SNX14: variants seen among roughly 807,000 people sequenced by gnomAD.
The protein encoded by SNX14 is sorting nexin-14.
In SNX14, 93 loss-of-function variants were observed where a neutral mutation model predicts 133.8. That is an observed-to-expected ratio of 0.70 (90% confidence interval 0.59 to 0.83). The LOEUF is 0.83. SNX14 is among the 40% of genes least tolerant of loss of function. The pLI is 0.00. For missense variants in SNX14, 945 were observed against 1,094.9 expected (o/e 0.86, Z 1.93); for synonymous variants, 368 against 365.6 (o/e 1.01, Z -0.07).
At chr6:85,576,345 A>C (rs75147817) in intron 1 of SNX14, among the ~76,000 whole-genome samples, 1 of 152,158 alleles carries the variant, frequency 6.6e-6, no homozygotes. Flanking sequence ...CTAAGATTCT[A>C]TCTCCCTCAC....
rs145183684 is a variant in SNX14, at chr6:85,588,575, C to CTAAATAAATAAATAAATAAATAAA, written c.140+4980_140+5003dup. Among the ~76,000 whole-genome samples, 567 of 149,046 alleles carry CTAAATAAATAAATAAATAAATAAA rather than the reference C, an allele frequency of 3.8e-3. 5 individuals are homozygous for CTAAATAAATAAATAAATAAATAAA. Among genetic ancestry groups the CTAAATAAATAAATAAATAAATAAA allele is most frequent in the South Asian group, 0.02 (91 of 4,658 alleles). ...CTGAGCAAAGAGCGAGACTCCGTCT[C>CTAAATAAATAAATAAATAAATAAA]TAAATAAATAAATAAATAAATAAAT... is the stretch of plus-strand genomic sequence containing the variant. On this transcript the variant is annotated intron_variant, in intron 1 of 28. Coordinates refer to ENST00000314673, the MANE Select transcript of SNX14 (RefSeq NM_153816.6).
chr6:85,570,547 T>A (rs557464930), intron 4 of SNX14, among the ~76,000 whole-genome samples: 23 of 152,268 alleles, frequency 1.5e-4, no homozygotes, highest in African/African-American at 4.3e-4. Flanking sequence ...TTTCAACATG[T>A]AATCAATATA....
chr6:85,510,666 T>C (rs1169366287), intron 26 of SNX14, among the ~76,000 whole-genome samples: 2 of 152,320 alleles, frequency 1.3e-5, no homozygotes, highest in East Asian at 3.9e-4. Context: ...ATGCCTTTGG[T>C]GTTGCAACTA....
intron 1 of SNX14, chr6:85,588,758 G>A (rs778717134): frequency 5.2e-6 from 2 of 384,340 alleles, no homozygotes; most frequent in African/African-American, 2.1e-5. Flanking sequence ...TAGTTGGTTA[G>A]TACTTATTTT....
intron 20 of SNX14, among the ~76,000 whole-genome samples, chr6:85,527,648 G>C (rs1171623605): frequency 1.3e-5 from 2 of 152,030 alleles, no homozygotes; most frequent in Non-Finnish European, 2.9e-5. Flanking sequence ...TATTAGTCTT[G>C]GAGAGCCTGA....
At chr6:85,520,834 T>C (rs1262920352) in intron 21 of SNX14, among the ~76,000 whole-genome samples, 1 of 152,222 alleles carries the variant, frequency 6.6e-6, no homozygotes, top group African/African-American at 2.4e-5. Context: ...TATTCAACGT[T>C]ATGACTTTAC....
chr6:85,573,005 T>C (rs1796183042), intron 2 of SNX14, among the ~76,000 whole-genome samples: 1 of 152,136 alleles, frequency 6.6e-6, no homozygotes, highest in Non-Finnish European at 1.5e-5. Flanking sequence ...AAAGGCATAA[T>C]AAGAAAAAAC....
intron 5 of SNX14, among the ~76,000 whole-genome samples, chr6:85,567,180 T>G (rs1794152939): frequency 6.6e-6 from 1 of 152,168 alleles, no homozygotes; most frequent in Non-Finnish European, 1.5e-5. Flanking sequence ...ACAGCCTAAG[T>G]TTTCTTCCTC....
rs138727395 is a variant in SNX14 at position 85,553,830 on chromosome 6, T to C, written c.635-3951A>G. On this transcript the variant is annotated intron_variant, in intron 7 of 28. Transcript: ENST00000314673. The stretch of plus-strand genomic sequence containing the variant: ...TGTATCAGTAAACAGTTATTAACAC[T>C]GAAAAGTCATAATGTAATATAGAAA... Among the ~76,000 whole-genome samples the C allele has an allele frequency of 1.2e-3, 180 of 151,134 alleles. 1 individual carries two copies. The highest frequency in any genetic ancestry group is 4.3e-3 in the African/African-American group (176 of 41,250).
At chr6:85,552,063 G>T in intron 7 of SNX14, among the ~76,000 whole-genome samples, 1 of 135,786 alleles carries the variant, frequency 7.4e-6, no homozygotes, top group African/African-American at 2.8e-5. Flanking sequence ...TTGAGACGGA[G>T]TCTCGCTCTG....
chr6:85,524,584 C>T (rs969721514), intron 21 of SNX14, among the ~76,000 whole-genome samples: 16 of 152,164 alleles, frequency 1.1e-4, no homozygotes, highest in Admixed American at 6.5e-4. Flanking sequence ...GAGCTCAAGA[C>T]CAGCCTGGCC....
At chr6:85,519,219 C>T (rs933629492) in intron 21 of SNX14, among the ~76,000 whole-genome samples, 7 of 152,186 alleles carry the variant, frequency 4.6e-5, no homozygotes, top group African/African-American at 1.2e-4. Flanking sequence ...AATATTTTGA[C>T]TCAAATAAAT....
intron 26 of SNX14, among the ~76,000 whole-genome samples, chr6:85,511,402 A>G (rs138151192): frequency 6.6e-6 from 1 of 152,214 alleles, no homozygotes; most frequent in East Asian, 1.9e-4. Context: ...TATGCTCTTT[A>G]TTTCCTTTTC....
At chr6:85,530,399 C>T (rs1305096892) in intron 18 of SNX14, 124 bp from the exon 19 acceptor site, 1 of 531,900 alleles carries the variant, frequency 1.9e-6, no homozygotes, top group Non-Finnish European at 3.1e-6. Context: ...AATCCCAGCA[C>T]TTTGGGAGGC....
In SNX14 at chr6:85,543,195, C is replaced by A; in HGVS notation, c.1376G>T (p.Cys459Phe). ...LLENVFTPMF[C>F]HSDEYFRQLL... is the part of the protein sequence containing the mutation. ...ATTTTGACTTACCTCATCACTATGG[C>A]AGAACATAGGAGTAAATACATTCTC... is the stretch of plus-strand genomic sequence containing the variant. Residue 459 changes from cysteine (C) to phenylalanine (F), a missense_variant, in exon 14 of 29, where the codon TGC becomes TTC. Transcript: ENST00000314673. 6.4e-7 allele frequency: 1 copy of A among 1,552,906 alleles called. No individual in the cohort carries two copies. Among genetic ancestry groups the A allele is most frequent in the Non-Finnish European group, 8.7e-7 (1 of 1,154,868 alleles).
chr6:85,567,576 AC>A lies in SNX14; in HGVS notation c.418del (p.Val140PhefsTer4). 6.6e-7 allele frequency: 1 copy of A among 1,504,804 alleles called. No homozygotes were observed. Among genetic ancestry groups the A allele is most frequent in the Non-Finnish European group, 8.8e-7 (1 of 1,132,782 alleles). The allele number at this position is 1,504,804 out of a possible 1,614,324, so 93.2% of individuals were successfully genotyped here. A position where few individuals can be genotyped will look rare whatever the true frequency, so the allele number is the denominator to read the frequency against. On this transcript the variant is annotated frameshift_variant and splice_region_variant, in exon 5 of 29. Coordinates refer to ENST00000314673, the MANE Select transcript of SNX14 (RefSeq NM_153816.6). LOFTEE classifies it high-confidence loss of function. ...SSKVDASLSEVLELVLENFVY... is the reference protein window; with the variant it reads ...SSKVDASLSEXLELVLENFVY... ...AAAGTTTTCCAACACTAATTCAAGAACCTGCATAAACAATTATTTTTTAAAG... is the reference window on the plus strand; with the variant it reads ...AAAGTTTTCCAACACTAATTCAAGAACTGCATAAACAATTATTTTTTAAAG...
rs1562251871 is a variant in SNX14 at position 85,533,034 on chromosome 6, G to A, written c.1810+565C>T. Among the ~76,000 whole-genome samples, 3 of 152,046 alleles carry A rather than the reference G, an allele frequency of 2.0e-5. No homozygotes were observed. In the South Asian group the frequency reaches 6.2e-4, roughly 32 times the overall value. On this transcript the variant is annotated intron_variant, in intron 18 of 28. Coordinates refer to ENST00000314673, the MANE Select transcript of SNX14 (RefSeq NM_153816.6). Reference sequence around the variant, plus strand: ...CCAGAGTAGCCGGGACTACAGGCACGCACCAAGACGTGTGGCTAATTTTTG... The same window carrying A: ...CCAGAGTAGCCGGGACTACAGGCACACACCAAGACGTGTGGCTAATTTTTG...
chr6:85,530,268 G>T lies in SNX14; in HGVS notation c.1818C>A (p.His606Gln). 1 of 1,591,638 alleles carries T rather than the reference G, an allele frequency of 6.3e-7. No homozygotes were observed. ...VERNDRRAVG[H>Q]EPEHWSVYRR... ...TATAGACAGACCAATGTTCAGGCTCGTGTCCAACTGTAAATTGAGTACACA... is the reference window on the plus strand; with the variant it reads ...TATAGACAGACCAATGTTCAGGCTCTTGTCCAACTGTAAATTGAGTACACA... The change falls in exon 19 of 29, where the codon CAC (histidine) becomes CAA (glutamine). Residue 606 changes from histidine to glutamine, a missense_variant. Coordinates refer to ENST00000314673, the MANE Select transcript of SNX14 (RefSeq NM_153816.6).
intron 15 of SNX14, among the ~76,000 whole-genome samples, chr6:85,541,253 A>G (rs1174534125): frequency 6.6e-6 from 1 of 152,328 alleles, no homozygotes; most frequent in East Asian, 1.9e-4. Flanking sequence ...TCGGCCTCAC[A>G]AAGTGCTGGG....
Sources: gnomAD v4.1 joint callset for allele counts (sites outside exome capture counted in the v4.1 genomes callset) on GRCh38, gnomAD v4.1.1 for gene constraint, MANE v1.5 for transcripts, NCBI Gene and HGNC (gene_info 2026-07-23, HGNC 2026-07-21) for gene names.